SCFD2: variants seen among roughly 807,000 people sequenced by gnomAD.
SCFD2 encodes sec1 family domain containing 2.
Under a neutral mutation model 58.9 loss-of-function variants are expected in SCFD2, and 54 were observed. That is an observed-to-expected ratio of 0.92 (90% CI 0.74 to 1.15). The LOEUF is 1.15. Among genes scored for constraint, SCFD2 ranks in the 50% most tolerant of loss-of-function variants. SCFD2 has a pLI of 0.00. For synonymous variants in SCFD2, 321 were observed against 335.9 expected, an observed-to-expected ratio of 0.96 and a Z score of 0.49; for missense variants, 805 against 836.6, an observed-to-expected ratio of 0.96 and a Z score of 0.47.
chr4:52,947,006 G>A (rs1481887651), intron 5 of SCFD2, among the ~76,000 whole-genome samples: 2 of 152,134 alleles, frequency 1.3e-5, no homozygotes, highest in Non-Finnish European at 2.9e-5. Context: ...GTGCCCTGGT[G>A]CATGTGAGCG....
chr4:53,003,830 C>T (rs1039475148), intron 5 of SCFD2, among the ~76,000 whole-genome samples: 15 of 152,202 alleles, frequency 9.9e-5, no homozygotes, highest in African/African-American at 3.6e-4. Context: ...TAAATCACAA[C>T]CTTCATGATA....
chr4:53,289,307 A>G (rs1157542470), intron 3 of SCFD2, among the ~76,000 whole-genome samples: 1 of 152,196 alleles, frequency 6.6e-6, no homozygotes, highest in African/African-American at 2.4e-5. Flanking sequence ...CAGAGGCTGC[A>G]GTGAGCCAAG....
In SCFD2 at chr4:53,202,664, A is replaced by G. The variant is rs549707019; in HGVS notation, c.1312-57082T>C. Among the ~76,000 whole-genome samples the G allele has an allele frequency of 1.5e-4, 23 of 152,258 alleles. No individual in the cohort carries two copies. The East Asian group carries it at 4.2e-3, about 28-fold the overall frequency. On this transcript the variant is annotated intron_variant, in intron 4 of 8. Coordinates refer to ENST00000401642, the MANE Select transcript of SCFD2 (RefSeq NM_152540.4). ...TGATTCCTCCTACCCATGAGCATGG[A>G]ATGTACTTCCATTTGTTTGTATCCT...
chr4:52,954,360 T>C (rs1414909722), intron 5 of SCFD2, among the ~76,000 whole-genome samples: 1 of 152,044 alleles, frequency 6.6e-6, no homozygotes, highest in Non-Finnish European at 1.5e-5. Context: ...CTCAAATCTG[T>C]GGAAGGTGAG....
intron 5 of SCFD2, among the ~76,000 whole-genome samples, chr4:53,030,191 T>G (rs1229727605): frequency 6.6e-6 from 1 of 152,086 alleles, no homozygotes; most frequent in East Asian, 1.9e-4. Context: ...CCTAAGAAGA[T>G]ATATGAATGG....
At chr4:52,880,400 T>G (rs1027555762) in intron 8 of SCFD2, among the ~76,000 whole-genome samples, 4 of 151,532 alleles carry the variant, frequency 2.6e-5, no homozygotes, top group Non-Finnish European at 5.9e-5. Context: ...GTGGATCACT[T>G]GAGGTAGGAG....
chr4:52,899,346 T>TG (rs1719117981), intron 7 of SCFD2, among the ~76,000 whole-genome samples: 1 of 152,194 alleles, frequency 6.6e-6, no homozygotes, highest in Non-Finnish European at 1.5e-5. Flanking sequence ...GCAGGCCTGG[T>TG]GGTGACAAAA....
chr4:52,929,147 T>C (rs890808716), intron 5 of SCFD2, among the ~76,000 whole-genome samples: 1 of 152,154 alleles, frequency 6.6e-6, no homozygotes. Flanking sequence ...CACACATATA[T>C]GACAAAAACT....
At chr4:53,364,173 T>G (rs17082628) in intron 1 of SCFD2, among the ~76,000 whole-genome samples, 2,725 of 152,294 alleles carry the variant, frequency 0.018, 83 homozygotes, top group African/African-American at 0.062. Context: ...TACATCTCAG[T>G]ATTACCATTT....
At chr4:53,198,686 T>C (rs895550917) in intron 4 of SCFD2, among the ~76,000 whole-genome samples, 20 of 152,058 alleles carry the variant, frequency 1.3e-4, no homozygotes, top group African/African-American at 4.8e-4. Context: ...TGTGTGTGCA[T>C]GTGTGTATAC....
intron 4 of SCFD2, among the ~76,000 whole-genome samples, chr4:53,181,692 A>G (rs991970409): frequency 2.6e-5 from 4 of 152,214 alleles, no homozygotes; most frequent in South Asian, 4.1e-4. Context: ...AGGGTATTCA[A>G]TTAGGAAAAG....
intron 2 of SCFD2, among the ~76,000 whole-genome samples, chr4:53,327,284 G>A (rs1733233619): frequency 6.6e-6 from 1 of 152,128 alleles, no homozygotes; most frequent in Non-Finnish European, 1.5e-5. Flanking sequence ...ACCAGATTGA[G>A]GGGACATCCA....
intron 5 of SCFD2, among the ~76,000 whole-genome samples, chr4:52,973,035 T>G (rs1721149038): frequency 6.6e-6 from 1 of 152,214 alleles, no homozygotes; most frequent in African/African-American, 2.4e-5. Flanking sequence ...GAGGGAAATT[T>G]ATAGCACTAA....
At chr4:53,270,508 A>G (rs998621933) in intron 4 of SCFD2, among the ~76,000 whole-genome samples, 7 of 152,238 alleles carry the variant, frequency 4.6e-5, no homozygotes, top group African/African-American at 1.7e-4. Context: ...TGCCTGGTCA[A>G]TGCACTATGA....
intron 2 of SCFD2, among the ~76,000 whole-genome samples, chr4:53,328,794 C>T (rs1365882640): frequency 2.6e-5 from 4 of 152,286 alleles, no homozygotes; most frequent in South Asian, 2.1e-4. Flanking sequence ...GCGTGAGTGA[C>T]GCAGAAGACA....
intron 4 of SCFD2, among the ~76,000 whole-genome samples, chr4:53,177,650 T>A (rs1577806455): frequency 6.6e-6 from 1 of 151,778 alleles, no homozygotes; most frequent in East Asian, 1.9e-4. Flanking sequence ...CAGTGGGGAG[T>A]GCCAGACAGT....
intron 3 of SCFD2, among the ~76,000 whole-genome samples, chr4:53,274,831 A>AC (rs1731280155): frequency 1.3e-5 from 2 of 152,194 alleles, no homozygotes; most frequent in South Asian, 4.1e-4. Flanking sequence ...AAGCTCTTGG[A>AC]CATCGGATTC....
chr4:53,091,279 A>G (rs1386561640), intron 5 of SCFD2, among the ~76,000 whole-genome samples: 2 of 152,032 alleles, frequency 1.3e-5, no homozygotes, highest in East Asian at 3.9e-4. Flanking sequence ...GAATAATGCT[A>G]TGAGTTTTTC....
chr4:53,197,996 C>A (rs898898993), intron 4 of SCFD2, among the ~76,000 whole-genome samples: 5 of 152,026 alleles, frequency 3.3e-5, no homozygotes, highest in African/African-American at 1.2e-4. Flanking sequence ...ACTATTTGTA[C>A]TTAATGCTTG....
Sources: allele counts gnomAD v4.1 joint callset (sites outside exome capture counted in the v4.1 genomes callset), GRCh38; gene constraint gnomAD v4.1.1; transcripts MANE v1.5; gene names NCBI Gene and HGNC (gene_info 2026-07-23, HGNC 2026-07-21).